Variants in MARCKS observed in about 807,000 individuals in gnomAD.
MARCKS encodes myristoylated alanine-rich C-kinase substrate.
A neutral mutation model predicts 6.3 loss-of-function variants in MARCKS; 4 were observed. The observed-to-expected ratio is 0.63, with a 90% CI of 0.31 to 1.45. The LOEUF (loss-of-function observed/expected upper bound fraction) is 1.45, where lower values mean the gene tolerates loss of function less well. Ranked by LOEUF, MARCKS falls within the 40% of genes most tolerant of loss-of-function variation. MARCKS has a pLI of 0.07. For missense variants in MARCKS, 636 were observed against 485.7 expected, an observed-to-expected ratio of 1.31 and a Z score of -2.91; for synonymous variants, 289 against 236.5, an observed-to-expected ratio of 1.22 and a Z score of -2.04.
At position 113,862,282 on chromosome 6, in the gene MARCKS, A is replaced by G. The variant is rs960274781; in HGVS notation, c.*1703A>G. The G allele has an allele frequency of 6.6e-6, 1 of 152,102 alleles. No homozygotes were observed. The allele number at this position is 152,102 out of a possible 1,614,324, so 9.4% of individuals were successfully genotyped here. On this transcript the variant is annotated 3_prime_UTR_variant, in exon 2 of 2. Transcript: ENST00000612661. Reference sequence around the variant, plus strand: ...TGATGGTGTATTACCTGCTATTGTAATTGCTTAGTGCTTGGCTAATTTCCA... The same window carrying G: ...TGATGGTGTATTACCTGCTATTGTAGTTGCTTAGTGCTTGGCTAATTTCCA...
chr6:113,857,956 G>A (rs1774813917), intron 1 of MARCKS, 109 bp downstream of exon 1: 1 of 958,440 alleles, frequency 1.0e-6, no homozygotes, highest in Non-Finnish European at 1.6e-6. Flanking sequence ...ATTCTAGTCT[G>A]AAAGTTGAAT....
At chr6:113,859,620 T>C in intron 1 of MARCKS, 63 bp from the exon 2 acceptor site, 2 of 1,373,722 alleles carry the variant, frequency 1.5e-6, no homozygotes, top group South Asian at 3.0e-5. Flanking sequence ...GGTCCAGGGC[T>C]GGGGGCGGGA....
chr6:113,860,524 A>T lies in MARCKS; in HGVS notation c.944A>T (p.Gln315Leu). Residue 315 changes from glutamine to leucine, a missense_variant, in exon 2 of 2, where the codon CAG becomes CTG. Coordinates refer to ENST00000612661, the MANE Select transcript of MARCKS (RefSeq NM_002356.7). ...TCGTCAGCCTGCGCAGCCCCCTCAC[A>T]GGAGGCCCAGCCCGAGTGCAGTCCA... The part of the protein sequence containing the change: ...AASSACAAPS[Q>L]EAQPECSPEA... 6.4e-7 allele frequency: 1 copy of T among 1,553,222 alleles called. No homozygotes were observed.
At position 113,860,404 on chromosome 6, in the gene MARCKS, G is replaced by A; in HGVS notation, c.824G>A (p.Ser275Asn). Residue 275 changes from serine (S) to asparagine (N), a missense_variant, in exon 2 of 2, where the codon AGC becomes AAC. Coordinates refer to ENST00000612661, the MANE Select transcript of MARCKS (RefSeq NM_002356.7). ...AAAAAGGCCGAGGAGGCCGGGGCCA[G>A]CGCCGCCGCCTGCGAGGCCCCCTCC... ...EEKKAEEAGA[S>N]AAACEAPSAA... 8.5e-7 allele frequency: 1 copy of A among 1,170,600 alleles called. No homozygotes were observed. The highest frequency in any genetic ancestry group is 1.1e-6 in the Non-Finnish European group (1 of 933,088). The allele number at this position is 1,170,600 out of a possible 1,614,324, so 72.5% of individuals were successfully genotyped here. A position where few individuals can be genotyped will look rare whatever the true frequency, so the allele number is the denominator to read the frequency against.
rs1280308316 is a variant in MARCKS at position 113,859,680 on chromosome 6, T to C, written c.103-3T>C. 2 of 1,497,200 alleles carry C rather than the reference T, an allele frequency of 1.3e-6. No homozygotes were observed. Among genetic ancestry groups the C allele is most frequent in the South Asian group, 1.2e-5 (1 of 80,316 alleles). The allele number at this position is 1,497,200 out of a possible 1,614,324, so 92.7% of individuals were successfully genotyped here. ...TGACGCTCCCGCTTTCTCTGCCCCTTAGGAGAATGGCCACGTGAAGGTAAA... is the reference window on the plus strand; with the variant it reads ...TGACGCTCCCGCTTTCTCTGCCCCTCAGGAGAATGGCCACGTGAAGGTAAA... On this transcript the variant is annotated splice_region_variant and splice_polypyrimidine_tract_variant and intron_variant, in intron 1 of 1. Transcript: ENST00000612661.
chr6:113,858,608 AC>A, intron 1 of MARCKS, among the ~76,000 whole-genome samples: 1 of 152,186 alleles, frequency 6.6e-6, no homozygotes, highest in Admixed American at 6.5e-5. Context: ...CGCCTCGACC[AC>A]CCGCGAGGGG....
chr6:113,860,314 C>T lies in MARCKS; in HGVS notation c.734C>T (p.Ala245Val). The stretch of plus-strand genomic sequence containing the variant: ...GCCAAGCCCCAGGAGGCCGCTGTCG[C>T]GCCAGAGAAGCCGCCCGCCAGCGAC... ...QEAKPQEAAV[A>V]PEKPPASDET... Residue 245 changes from alanine (A) to valine (V), a missense_variant, in exon 2 of 2, where the codon GCG becomes GTG. Coordinates refer to ENST00000612661, the MANE Select transcript of MARCKS (RefSeq NM_002356.7). The T allele has an allele frequency of 1.5e-6, 2 of 1,295,746 alleles. No homozygotes were observed. Among genetic ancestry groups the T allele is most frequent in the Non-Finnish European group, 1.0e-6 (1 of 996,410 alleles). 80.3% of individuals were successfully genotyped at this position (1,295,746 alleles called of 1,614,324 possible).
At position 113,859,918 on chromosome 6, in the gene MARCKS, C is replaced by A; in HGVS notation, c.338C>A (p.Ala113Asp). Residue 113 changes from alanine (A) to aspartate (D), a missense_variant, in exon 2 of 2, where the codon GCT becomes GAT. Physicochemically the swap from Ala to Asp is moderately radical, Grantham distance 126. Coordinates refer to ENST00000612661, the MANE Select transcript of MARCKS (RefSeq NM_002356.7). Reference sequence around the variant, plus strand: ...AAGGAGGCCCCCGCGGAAGGCGAGGCTGCCGAGCCCGGCTCGCCCACGGCC... The same window carrying A: ...AAGGAGGCCCCCGCGGAAGGCGAGGATGCCGAGCCCGGCTCGCCCACGGCC... Reference protein sequence around the residue: ...VEKEAPAEGEAAEPGSPTAAE... With the variant: ...VEKEAPAEGEDAEPGSPTAAE... 6.8e-7 allele frequency: 1 copy of A among 1,460,934 alleles called. No individual in the cohort carries two copies. 90.5% of individuals were successfully genotyped at this position (1,460,934 alleles called of 1,614,324 possible). A position where few individuals can be genotyped will look rare whatever the true frequency, so the allele number is the denominator to read the frequency against.
chr6:113,857,698 T>G lies in MARCKS; in HGVS notation c.-48T>G. ...CGTCGTTACACCAACCCGAGGCTCT[T>G]TGTTTCCCCTCTTGGATCTGTTGAG... On this transcript the variant is annotated 5_prime_UTR_variant, in exon 1 of 2. Transcript: ENST00000612661. 14 of 1,373,100 alleles carry G rather than the reference T, an allele frequency of 1.0e-5. No homozygotes were observed. Among genetic ancestry groups the G allele is most frequent in the Non-Finnish European group, 1.3e-5 (13 of 1,011,926 alleles). The allele number at this position is 1,373,100 out of a possible 1,614,324, so 85.1% of individuals were successfully genotyped here.
At position 113,859,925 on chromosome 6, in the gene MARCKS, GC is replaced by G; in HGVS notation, c.348del (p.Gly117AlafsTer50). ...CCCCCGCGGAAGGCGAGGCTGCCGA[GC>G]CCGGCTCGCCCACGGCCGCGGAGGG... ...EAPAEGEAAE[P>X]GSPTAAEGEA... On this transcript the variant is annotated frameshift_variant, in exon 2 of 2. Coordinates refer to ENST00000612661, the MANE Select transcript of MARCKS (RefSeq NM_002356.7). LOFTEE classifies it low-confidence loss of function (END_TRUNC). 1 of 1,467,014 alleles carries G rather than the reference GC, an allele frequency of 6.8e-7. No individual in the cohort carries two copies. The highest frequency in any genetic ancestry group is 9.0e-7 in the Non-Finnish European group (1 of 1,113,124). 90.9% of individuals were successfully genotyped at this position (1,467,014 alleles called of 1,614,324 possible). A position where few individuals can be genotyped will look rare whatever the true frequency, so the allele number is the denominator to read the frequency against.
chr6:113,860,331 G>A lies in MARCKS; in HGVS notation c.751G>A (p.Ala251Thr), dbSNP rs1443381593. Reference sequence around the variant, plus strand: ...CGCTGTCGCGCCAGAGAAGCCGCCCGCCAGCGACGAGACCAAGGCCGCCGA... The same window carrying A: ...CGCTGTCGCGCCAGAGAAGCCGCCCACCAGCGACGAGACCAAGGCCGCCGA... The part of the protein sequence containing the change: ...EAAVAPEKPP[A>T]SDETKAAEEP... Residue 251 changes from alanine to threonine, a missense_variant, in exon 2 of 2, where the codon GCC (alanine) becomes ACC (threonine). By Grantham distance (58) the Ala-to-Thr change is moderately conservative (BLOSUM62 0). Transcript: ENST00000612661. 2 of 1,306,826 alleles carry A rather than the reference G, an allele frequency of 1.5e-6. No homozygotes were observed. Among genetic ancestry groups the A allele is most frequent in the Non-Finnish European group, 2.0e-6 (2 of 1,002,744 alleles). 81.0% of individuals were successfully genotyped at this position (1,306,826 alleles called of 1,614,324 possible).
In MARCKS at chr6:113,862,040, A is replaced by G. The variant is rs1774907410; in HGVS notation, c.*1461A>G. The G allele has an allele frequency of 6.6e-6, 1 of 152,136 alleles. No individual in the cohort carries two copies. The highest frequency in any genetic ancestry group is 1.5e-5 in the Non-Finnish European group (1 of 67,972). The allele number at this position is 152,136 out of a possible 1,614,324, so 9.4% of individuals were successfully genotyped here. On this transcript the variant is annotated 3_prime_UTR_variant, in exon 2 of 2. Coordinates refer to ENST00000612661, the MANE Select transcript of MARCKS (RefSeq NM_002356.7). Reference sequence around the variant, plus strand: ...CATTTAGTTTTCATTTAAGAATTGAACATAATTATTTTTATTGTAGCTATA... The same window carrying G: ...CATTTAGTTTTCATTTAAGAATTGAGCATAATTATTTTTATTGTAGCTATA...
rs552826723 is a variant in MARCKS at position 113,861,947 on chromosome 6, C to T, written c.*1368C>T. The T allele has an allele frequency of 2.0e-5, 3 of 151,110 alleles. No homozygotes were observed. The highest frequency in any genetic ancestry group is 2.0e-4 in the East Asian group (1 of 5,124). 9.4% of individuals were successfully genotyped at this position (151,110 alleles called of 1,614,324 possible). On this transcript the variant is annotated 3_prime_UTR_variant, in exon 2 of 2. Transcript: ENST00000612661. ...TTTTCAAGCTCTGAAATTCATAATCCGCAGTGTCAGATTACGTAGAGGAAG... is the reference window on the plus strand; with the variant it reads ...TTTTCAAGCTCTGAAATTCATAATCTGCAGTGTCAGATTACGTAGAGGAAG...
Position 113,860,801 on chromosome 6 carries a change from A to C in MARCKS, c.*222A>C, listed in dbSNP as rs1774889720. The C allele has an allele frequency of 3.1e-6, 1 of 326,898 alleles. No homozygotes were observed. Among genetic ancestry groups the C allele is most frequent in the East Asian group, 4.9e-5 (1 of 20,474 alleles). The allele number at this position is 326,898 out of a possible 1,614,324, so 20.2% of individuals were successfully genotyped here. The stretch of plus-strand genomic sequence containing the variant: ...AAATCATTCTGTTAACCACCATTCC[A>C]ACAGGTCGAGGAGAGCTTAAACACC... On this transcript the variant is annotated 3_prime_UTR_variant, in exon 2 of 2. Transcript: ENST00000612661.
In MARCKS at chr6:113,859,676, C is replaced by T; in HGVS notation, c.103-7C>T. On this transcript the variant is annotated splice_region_variant and splice_polypyrimidine_tract_variant and intron_variant, in intron 1 of 1. Coordinates refer to ENST00000612661, the MANE Select transcript of MARCKS (RefSeq NM_002356.7). ...TCAGTGACGCTCCCGCTTTCTCTGC[C>T]CCTTAGGAGAATGGCCACGTGAAGG... 3 of 1,497,082 alleles carry T rather than the reference C, an allele frequency of 2.0e-6. No homozygotes were observed. Among genetic ancestry groups the T allele is most frequent in the South Asian group, 1.3e-5 (1 of 79,842 alleles). 92.7% of individuals were successfully genotyped at this position (1,497,082 alleles called of 1,614,324 possible).
At position 113,857,652 on chromosome 6, in the gene MARCKS, CGCT is replaced by C. The variant is rs3832411; in HGVS notation, c.-81_-79del. On this transcript the variant is annotated 5_prime_UTR_variant, in exon 1 of 2. Transcript: ENST00000612661. ...GTGCCGCTGCCGCTGTTGCCGCCGC[CGCT>C]GCTGCTGCTGCTCGCCCCGTCGTTA... The C allele has an allele frequency of 0.12, 79,781 of 681,060 alleles. 4,803 individuals carry two copies. The highest frequency in any genetic ancestry group is 0.14 in the Non-Finnish European group (60,586 of 448,098). 42.2% of individuals were successfully genotyped at this position (681,060 alleles called of 1,614,324 possible). A position where few individuals can be genotyped will look rare whatever the true frequency, so the allele number is the denominator to read the frequency against.
At chr6:113,859,091 G>C (rs1427361202) in intron 1 of MARCKS, among the ~76,000 whole-genome samples, 1 of 152,078 alleles carries the variant, frequency 6.6e-6, no homozygotes, top group Non-Finnish European at 1.5e-5. Flanking sequence ...CCAACGCGGC[G>C]CGGTGGAGGC....
At chr6:113,859,145 G>C (rs1774835496) in intron 1 of MARCKS, among the ~76,000 whole-genome samples, 1 of 152,202 alleles carries the variant, frequency 6.6e-6, no homozygotes, top group Non-Finnish European at 1.5e-5. Flanking sequence ...GGGCGCAGGA[G>C]CTCGGAGGGC....
chr6:113,860,010 C>T lies in MARCKS; in HGVS notation c.430C>T (p.Pro144Ser), dbSNP rs753998792. The T allele has an allele frequency of 1.9e-6, 3 of 1,567,438 alleles. No individual in the cohort carries two copies. Among genetic ancestry groups the T allele is most frequent in the Non-Finnish European group, 2.6e-6 (3 of 1,162,224 alleles). The change falls in exon 2 of 2, where the codon CCC becomes TCC. Residue 144 changes from proline to serine, a missense_variant. Physicochemically the swap from Pro to Ser is moderately conservative, Grantham distance 74 (BLOSUM62 -1). Transcript: ENST00000612661. Reference sequence around the variant, plus strand: ...GCCCAAGGCCGAGGACGGGGCCACGCCCTCGCCCAGCAACGAGACCCCGAA... The same window carrying T: ...GCCCAAGGCCGAGGACGGGGCCACGTCCTCGCCCAGCAACGAGACCCCGAA... Reference protein sequence around the residue: ...SSPKAEDGATPSPSNETPKKK... With the variant: ...SSPKAEDGATSSPSNETPKKK...
Sources: allele counts gnomAD v4.1 joint callset (sites outside exome capture counted in the v4.1 genomes callset), GRCh38; gene constraint gnomAD v4.1.1; transcripts MANE v1.5; gene names NCBI Gene and HGNC (gene_info 2026-07-23, HGNC 2026-07-21).